Variants in KIF1A observed in about 807,000 individuals in gnomAD.
KIF1A encodes kinesin-like protein KIF1A.
Under a neutral mutation model 227.3 loss-of-function variants are expected in KIF1A, and 46 were observed. The ratio of observed to expected loss-of-function variants is 0.20; its 90% CI spans 0.16 to 0.26. The LOEUF is 0.26. KIF1A is among the 10% of genes least tolerant of loss of function. The probability of loss-of-function intolerance (pLI) is 1.00; values close to 1 mark genes in which losing one functional copy is unlikely to be tolerated. For synonymous variants in KIF1A, 1,022 were observed against 1,012.8 expected (o/e 1.01, Z -0.17); for missense variants, 1,683 against 2,485.9 (o/e 0.68, Z 6.87).
At chr2:240,812,069 T>C (rs2057907138) in intron 1 of KIF1A, among the ~76,000 whole-genome samples, 1 of 152,048 alleles carries the variant, frequency 6.6e-6, no homozygotes, top group Admixed American at 6.5e-5. Context: ...ATCCATTCAC[T>C]TGGTAAAAAT....
chr2:240,784,932 T>C, intron 7 of KIF1A, 57 bp downstream of exon 7: 2 of 1,429,436 alleles, frequency 1.4e-6, no homozygotes, highest in Non-Finnish European at 2.0e-6. Flanking sequence ...CCACCACCCC[T>C]ACCCTGACCA....
In KIF1A at chr2:240,793,719, G is replaced by T. The variant is rs1310086708; in HGVS notation, c.106+3928C>A. 6.6e-6 allele frequency among the ~76,000 whole-genome samples: 1 copy of T among 152,238 alleles called. No individual in the cohort carries two copies. Among genetic ancestry groups the T allele is most frequent in the African/African-American group, 2.4e-5 (1 of 41,466 alleles). On this transcript the variant is annotated intron_variant, in intron 2 of 48. Transcript: ENST00000498729. The surrounding 1 kb of genome is among the most constrained non-coding windows in gnomAD (Gnocchi z 4.8). Reference sequence around the variant, plus strand: ...GAAGAGGATTATTTATGCAGGTGATGATTACGGGATAACAGTTAAATTTAC... The same window carrying T: ...GAAGAGGATTATTTATGCAGGTGATTATTACGGGATAACAGTTAAATTTAC...
At chr2:240,717,521 C>A in intron 48 of KIF1A, 115 bp from the exon 49 acceptor site, 1 of 894,950 alleles carries the variant, frequency 1.1e-6, no homozygotes, top group Non-Finnish European at 1.8e-6. Context: ...CCCATGTCCC[C>A]GCTGGTTCCC....
At chr2:240,803,006 C>T (rs888563383) in intron 1 of KIF1A, among the ~76,000 whole-genome samples, 1 of 152,152 alleles carries the variant, frequency 6.6e-6, no homozygotes, top group Non-Finnish European at 1.5e-5. Context: ...CAAACTTCCA[C>T]AAATATCCAT....
At chr2:240,737,024 C>G (rs1438697585) in intron 38 of KIF1A, 39 bp downstream of exon 38, 8 of 1,525,418 alleles carry the variant, frequency 5.2e-6, no homozygotes, top group Non-Finnish European at 7.3e-6. Flanking sequence ...AGGCTGGGAA[C>G]ATGCCCTGGG....
chr2:240,792,181 G>T lies in KIF1A; in HGVS notation c.107-2869C>A, dbSNP rs1312520544. ...GCAACACCTCCCAGCCCTGAGGTCC[G>T]CCAGGCCTGTGGAGACAGGCAGCCC... is the stretch of plus-strand genomic sequence containing the variant. On this transcript the variant is annotated intron_variant, in intron 2 of 48. Coordinates refer to ENST00000498729, the MANE Select transcript of KIF1A (RefSeq NM_001244008.2). This position sits in a 1 kb window ranked among gnomAD's most constrained non-coding sequence, Gnocchi z 4.5. Among the ~76,000 whole-genome samples the T allele has an allele frequency of 6.6e-6, 1 of 152,034 alleles. No homozygotes were observed. The highest frequency in any genetic ancestry group is 1.5e-5 in the Non-Finnish European group (1 of 67,980).
chr2:240,747,425 A>G (rs1057153951), intron 28 of KIF1A, 104 bp from the exon 29 acceptor site: 1 of 795,664 alleles, frequency 1.3e-6, no homozygotes, highest in African/African-American at 1.7e-5. Flanking sequence ...AGGGCACAGG[A>G]GCCAGAGCAG....
At chr2:240,796,614 C>T (rs984177027) in intron 2 of KIF1A, among the ~76,000 whole-genome samples, 5 of 152,204 alleles carry the variant, frequency 3.3e-5, no homozygotes, top group African/African-American at 1.2e-4. Context: ...GGATGCAACC[C>T]TGAAGTACAC....
chr2:240,777,760 C>T (rs1341900515), intron 10 of KIF1A, among the ~76,000 whole-genome samples: 1 of 152,220 alleles, frequency 6.6e-6, no homozygotes, highest in Non-Finnish European at 1.5e-5. Flanking sequence ...GGAGGGACCT[C>T]GGATCCTCAG....
intron 10 of KIF1A, chr2:240,781,873 C>G (rs1352335951): frequency 1.0e-6 from 1 of 985,302 alleles, no homozygotes; most frequent in Admixed American, 6.1e-5. Context: ...TGCAGCCCCA[C>G]GTGTTCTTAG....
chr2:240,765,977 C>A (rs2051120980), intron 19 of KIF1A, among the ~76,000 whole-genome samples, 184 bp from the exon 20 acceptor site: 1 of 152,250 alleles, frequency 6.6e-6, no homozygotes, highest in Non-Finnish European at 1.5e-5. Context: ...GGTCTCACCC[C>A]ACTTAACAGA....
intron 1 of KIF1A, among the ~76,000 whole-genome samples, chr2:240,804,740 T>C (rs1488573567): frequency 6.6e-6 from 1 of 152,146 alleles, no homozygotes; most frequent in Non-Finnish European, 1.5e-5. Flanking sequence ...CCTGTCCTCA[T>C]AAAGTTTGGG....
intron 1 of KIF1A, among the ~76,000 whole-genome samples, chr2:240,800,887 T>C (rs1332673498): frequency 6.6e-6 from 1 of 152,234 alleles, no homozygotes; most frequent in Non-Finnish European, 1.5e-5. Flanking sequence ...GGCAGAGCCA[T>C]AGCTCGGACG....
intron 23 of KIF1A, among the ~76,000 whole-genome samples, chr2:240,761,629 G>A (rs1440406411): frequency 6.6e-6 from 1 of 152,190 alleles, no homozygotes; most frequent in Non-Finnish European, 1.5e-5. Context: ...CTCTGGGTCT[G>A]GGCTGGGAGA....
chr2:240,756,879 G>A (rs1446514368), intron 27 of KIF1A, among the ~76,000 whole-genome samples: 1 of 152,252 alleles, frequency 6.6e-6, no homozygotes. Flanking sequence ...AGAATGACAG[G>A]ACGGGCATCC....
Position 240,766,786 on chromosome 2 carries a change from C to CACACACACACCACCA in KIF1A, c.1684+128_1684+129insTGGTGGTGTGTGTGT. 1 of 623,794 alleles carries CACACACACACCACCA rather than the reference C, an allele frequency of 1.6e-6. No homozygotes were observed. The highest frequency in any genetic ancestry group is 2.9e-6 in the Non-Finnish European group (1 of 341,938). 38.6% of individuals were successfully genotyped at this position (623,794 alleles called of 1,614,324 possible). On this transcript the variant is annotated intron_variant, in intron 19 of 48. Coordinates refer to ENST00000498729, the MANE Select transcript of KIF1A (RefSeq NM_001244008.2). This position sits in a 1 kb window ranked among gnomAD's most constrained non-coding sequence, Gnocchi z 5.0. ...ACACACACACACACACACACACACA[C>CACACACACACCACCA]GTCCTGCCTAGAAGTATGACTCGCG... is the stretch of plus-strand genomic sequence containing the variant.
At chr2:240,742,209 G>C (rs1365265659) in intron 34 of KIF1A, among the ~76,000 whole-genome samples, 1 of 152,164 alleles carries the variant, frequency 6.6e-6, no homozygotes, top group Non-Finnish European at 1.5e-5. Context: ...CTGACACCTG[G>C]TCACCATGTG....
At chr2:240,772,640 CAG>C (rs2052164675) in intron 13 of KIF1A, 44 bp from the exon 14 acceptor site, 1 of 1,482,514 alleles carries the variant, frequency 6.7e-7, no homozygotes, top group African/African-American at 1.4e-5. Flanking sequence ...GACAGAGAAA[CAG>C]AAGAACAGGT....
chr2:240,812,562 GGGATCCACATTCACCTCA>G (rs2057950628), intron 1 of KIF1A, among the ~76,000 whole-genome samples: 1 of 149,896 alleles, frequency 6.7e-6, no homozygotes. Context: ...CCTTCACCTC[GGGATCCACATTCACCTCA>G]GGGATCTGCC....
Sources: allele counts gnomAD v4.1 joint callset (sites outside exome capture counted in the v4.1 genomes callset), GRCh38; gene constraint gnomAD v4.1.1; non-coding constraint Gnocchi (gnomAD v3.1); transcripts MANE v1.5; gene names NCBI Gene and HGNC (gene_info 2026-07-23, HGNC 2026-07-21).